The following NHSL3 variants were observed in gnomAD, a reference collection of about 807,000 sequenced individuals.
NHSL3 encodes the protein NHS-like protein 3.
the NHSL3 span, among the ~76,000 whole-genome samples, chr1:32,753,550 A>G: frequency 1.2e-4 from 19 of 152,254 alleles, no homozygotes; most frequent in African/African-American, 4.6e-4. Flanking sequence ...GAAGTAATGC[A>G]TGAAAGCGGT....
the NHSL3 span, among the ~76,000 whole-genome samples, chr1:32,746,697 G>A: frequency 6.6e-6 from 1 of 152,142 alleles, no homozygotes; most frequent in African/African-American, 2.4e-5. Flanking sequence ...GGACCAGACA[G>A]GCAAGGTCCC....
chr1:32,772,375 C>A, the NHSL3 span: 8 of 1,582,716 alleles, frequency 5.1e-6, no homozygotes, highest in South Asian at 1.2e-5. Context: ...TAAGAGGGAG[C>A]TGGCGGAGAA....
At chr1:32,752,321 A>AT in the NHSL3 span, among the ~76,000 whole-genome samples, 1 of 152,208 alleles carries the variant, frequency 6.6e-6, no homozygotes, top group East Asian at 1.9e-4. Context: ...GCCATCGGGC[A>AT]TAAGAGGTAG....
At chr1:32,742,585 T>C in the NHSL3 span, among the ~76,000 whole-genome samples, 2 of 152,248 alleles carry the variant, frequency 1.3e-5, no homozygotes, top group Non-Finnish European at 2.9e-5. Flanking sequence ...CTTGGGTCTC[T>C]GGTGGGGACC....
the NHSL3 span, chr1:32,754,124 GCGGTCCCCGGGTCCGCAGCTT>G: frequency 1.4e-6 from 1 of 711,780 alleles, no homozygotes; most frequent in Non-Finnish European, 2.6e-6. Flanking sequence ...AAGGCCCCCA[GCGGTCCCCGGGTCCGCAGCTT>G]CTGGCGGTTC....
At chr1:32,752,950 CATATAT>C in the NHSL3 span, among the ~76,000 whole-genome samples, 489 of 42,660 alleles carry the variant, frequency 0.011, 9 homozygotes, top group African/African-American at 0.047. Context: ...CACACACACA[CATATAT>C]ATATATATAT....
At chr1:32,752,950 CATATATATATAT>C in the NHSL3 span, among the ~76,000 whole-genome samples, 14,829 of 42,432 alleles carry the variant, frequency 0.35, 1,777 homozygotes, top group East Asian at 0.44. Context: ...CACACACACA[CATATATATATAT>C]ATATATTTTG....
chr1:32,742,299 G>A, the NHSL3 span: 1 of 1,071,980 alleles, frequency 9.3e-7, no homozygotes, highest in African/African-American at 1.6e-5. Flanking sequence ...ACCCCCAGGA[G>A]CTGGTGCTGG....
At chr1:32,764,431 T>G in the NHSL3 span, among the ~76,000 whole-genome samples, 1 of 152,202 alleles carries the variant, frequency 6.6e-6, no homozygotes, top group Non-Finnish European at 1.5e-5. Flanking sequence ...TAACACATGT[T>G]TGCTGATCAA....
chr1:32,754,037 GGCCGGGCTGGCTGGGCCGC>G, the NHSL3 span: 181 of 566,896 alleles, frequency 3.2e-4, no homozygotes, highest in Non-Finnish European at 6.7e-5. Context: ...CGGGCCCGGC[GGCCGGGCTGGCTGGGCCGC>G]GCTTGGGTTC....
chr1:32,771,607 G>T, the NHSL3 span: 3 of 1,613,162 alleles, frequency 1.9e-6, no homozygotes, highest in Non-Finnish European at 2.5e-6. Context: ...AGGCTCCCCA[G>T]AGCTTGTCAG....
the NHSL3 span, among the ~76,000 whole-genome samples, chr1:32,767,184 T>G: frequency 6.6e-6 from 1 of 152,142 alleles, no homozygotes; most frequent in Non-Finnish European, 1.5e-5. Context: ...CTGGTTCAAG[T>G]GGTGGCATGA....
At chr1:32,764,333 A>G in the NHSL3 span, among the ~76,000 whole-genome samples, 185 of 152,226 alleles carry the variant, frequency 1.2e-3, no homozygotes, top group South Asian at 0.018. Context: ...AACTCATAAC[A>G]TGTTCCAGGC....
the NHSL3 span, chr1:32,771,884 C>A: frequency 6.3e-7 from 1 of 1,591,388 alleles, no homozygotes; most frequent in Admixed American, 1.7e-5. Context: ...CCCACCCCAG[C>A]ACTGGGGCCA....
the NHSL3 span, among the ~76,000 whole-genome samples, chr1:32,762,154 A>G: frequency 1.3e-5 from 2 of 152,172 alleles, no homozygotes; most frequent in Non-Finnish European, 2.9e-5. Context: ...CAGCTCCACA[A>G]ATGTTTGTTC....
At chr1:32,748,757 C>T in the NHSL3 span, among the ~76,000 whole-genome samples, 1 of 152,158 alleles carries the variant, frequency 6.6e-6, no homozygotes, top group Non-Finnish European at 1.5e-5. Flanking sequence ...GGAGTTCCCT[C>T]TGCTATGGGA....
At chr1:32,760,320 C>G in the NHSL3 span, among the ~76,000 whole-genome samples, 1 of 152,208 alleles carries the variant, frequency 6.6e-6, no homozygotes, top group Non-Finnish European at 1.5e-5. Context: ...GCCCCTTGCT[C>G]TGGAATGGGG....
the NHSL3 span, among the ~76,000 whole-genome samples, chr1:32,759,068 A>G: frequency 6.6e-6 from 1 of 152,020 alleles, no homozygotes; most frequent in African/African-American, 2.4e-5. Context: ...GAAGAACATG[A>G]TTTTGCAGCC....
the NHSL3 span, among the ~76,000 whole-genome samples, chr1:32,745,123 A>G: frequency 6.9e-6 from 1 of 145,412 alleles, no homozygotes; most frequent in Admixed American, 6.8e-5. Context: ...GAGACTCAGA[A>G]AAAAAAAAAA....
Sources: gnomAD v4.1 joint callset for allele counts (sites outside exome capture counted in the v4.1 genomes callset) on GRCh38, gnomAD v4.1.1 for gene constraint, MANE v1.5 for transcripts, NCBI Gene and HGNC (gene_info 2026-07-23, HGNC 2026-07-21) for gene names.